DAB1: variants seen among roughly 807,000 people sequenced by gnomAD.
The protein encoded by DAB1 is disabled homolog 1.
Under a neutral mutation model 64.6 loss-of-function variants are expected in DAB1, and 15 were observed. That is an observed-to-expected ratio of 0.23 (90% CI 0.16 to 0.36). DAB1 has a LOEUF of 0.36. Ranked by LOEUF, DAB1 falls within the 10% of genes least tolerant of loss-of-function variation. DAB1 has a pLI of 1.00. For missense variants in DAB1, 596 were observed against 706.7 expected, an observed-to-expected ratio of 0.84 and a Z score of 1.78; for synonymous variants, 235 against 251.9, an observed-to-expected ratio of 0.93 and a Z score of 0.64.
chr1:57,114,929 T>C (rs986436148), intron 4 of DAB1, among the ~76,000 whole-genome samples: 1 of 152,190 alleles, frequency 6.6e-6, no homozygotes, highest in Non-Finnish European at 1.5e-5. Context: ...CCTTTTTTTT[T>C]CTTTCTCTAT....
chr1:57,176,201 T>C lies in DAB1; in HGVS notation c.68-30772A>G, dbSNP rs1662296698. Among the ~76,000 whole-genome samples the C allele has an allele frequency of 2.0e-5, 3 of 152,112 alleles. No homozygotes were observed. The East Asian group carries it at 5.8e-4, about 29-fold the overall frequency. ...ACCAATGTTATAGAATATCCTTCTG[T>C]ATTGTATTAGTCCGTTTTCATGCTG... On this transcript the variant is annotated intron_variant, in intron 2 of 14. Coordinates refer to ENST00000371236, the MANE Select transcript of DAB1 (RefSeq NM_001365792.1).
chr1:58,183,289 T>A (rs969630618), intron 4 of DAB1, among the ~76,000 whole-genome samples: 8 of 152,036 alleles, frequency 5.3e-5, no homozygotes, highest in Non-Finnish European at 1.2e-4. Context: ...CCTTCTTGCA[T>A]CTCCTCCGTA....
At chr1:57,392,534 C>A (rs757510788) in intron 1 of DAB1, among the ~76,000 whole-genome samples, 1 of 152,070 alleles carries the variant, frequency 6.6e-6, no homozygotes, top group African/African-American at 2.4e-5. Context: ...TCAGTCTTCA[C>A]GAGGAAAAAC....
intron 4 of DAB1, among the ~76,000 whole-genome samples, chr1:58,170,033 C>T (rs965803489): frequency 3.3e-5 from 5 of 152,138 alleles, no homozygotes; most frequent in African/African-American, 7.2e-5. Flanking sequence ...GATCAAACCC[C>T]GGCATTTAAT....
intron 4 of DAB1, among the ~76,000 whole-genome samples, chr1:58,162,239 C>T (rs1655578353): frequency 1.3e-5 from 2 of 152,140 alleles, no homozygotes; most frequent in Non-Finnish European, 2.9e-5. Context: ...AGACTGACAA[C>T]GATCCTGTCA....
chr1:58,201,577 G>A (rs972701789), intron 4 of DAB1, among the ~76,000 whole-genome samples: 36 of 152,178 alleles, frequency 2.4e-4, no homozygotes, highest in Non-Finnish European at 8.8e-5. Flanking sequence ...AAGTCTCAGG[G>A]TTTCACAGAG....
chr1:57,790,034 G>C (rs1366127642), intron 6 of DAB1, among the ~76,000 whole-genome samples: 1 of 152,144 alleles, frequency 6.6e-6, no homozygotes, highest in Non-Finnish European at 1.5e-5. Flanking sequence ...GACCATAAGA[G>C]GGAAAGCCAT....
chr1:58,488,654 G>A (rs1645618804), intron 3 of DAB1, among the ~76,000 whole-genome samples: 1 of 152,192 alleles, frequency 6.6e-6, no homozygotes, highest in Admixed American at 6.5e-5. Flanking sequence ...GTTTCTCCAT[G>A]TTGGTCAGGC....
Position 57,291,008 on chromosome 1 carries a change from T to TG in DAB1, c.22dup (p.Gln8ProfsTer21), listed in dbSNP as rs1377821073. 1 of 1,612,124 alleles carries TG rather than the reference T, an allele frequency of 6.2e-7. No homozygotes were observed. The highest frequency in any genetic ancestry group is 8.5e-7 in the Non-Finnish European group (1 of 1,178,980). The stretch of plus-strand genomic sequence containing the variant: ...CTTGGCGCTGGTTTTCACAGCTACT[T>TG]GAAGTTCTGTCTCAGTTGACATCCT... On this transcript the variant is annotated frameshift_variant, in exon 2 of 15. Transcript: ENST00000371236. LOFTEE classifies it high-confidence loss of function.
intron 5 of DAB1, among the ~76,000 whole-genome samples, chr1:58,067,364 T>C (rs1473650538): frequency 6.6e-6 from 1 of 152,208 alleles, no homozygotes; most frequent in Non-Finnish European, 1.5e-5. Flanking sequence ...AGCACGTTTG[T>C]TCTGAAGAGG....
At chr1:57,884,502 T>C (rs1489082641), upstream of DAB1, among the ~76,000 whole-genome samples, 2 of 152,238 alleles carry the variant, frequency 1.3e-5, no homozygotes, top group Admixed American at 6.5e-5. Context: ...GTACAAATTG[T>C]ATATTTTTCA....
chr1:57,743,481 C>T (rs901204722), intron 6 of DAB1, among the ~76,000 whole-genome samples: 1 of 152,222 alleles, frequency 6.6e-6, no homozygotes, highest in South Asian at 2.1e-4. Flanking sequence ...GGACTCAGCT[C>T]GCCTGCACCC....
chr1:57,084,345 G>A (rs574112014), intron 4 of DAB1, among the ~76,000 whole-genome samples: 1 of 152,260 alleles, frequency 6.6e-6, no homozygotes, highest in East Asian at 1.9e-4. Flanking sequence ...CTAGGGGACA[G>A]GCATGGACCA....
chr1:57,624,440 A>T (rs1043963296), intron 7 of DAB1, among the ~76,000 whole-genome samples: 6 of 152,192 alleles, frequency 3.9e-5, no homozygotes, highest in Admixed American at 3.9e-4. Flanking sequence ...ATACTCAATG[A>T]GACAAGGAGT....
chr1:57,067,326 A>G (rs976762665), intron 8 of DAB1, among the ~76,000 whole-genome samples: 4 of 152,094 alleles, frequency 2.6e-5, no homozygotes, highest in Admixed American at 2.6e-4. Flanking sequence ...CTGAGCTGAG[A>G]GCAGCCTTAG....
In DAB1 at chr1:57,656,633, T is replaced by A. The variant is rs1646322418; in HGVS notation, n.552-6968A>T. Among the ~76,000 whole-genome samples, 11 of 152,306 alleles carry A rather than the reference T, an allele frequency of 7.2e-5. No individual in the cohort carries two copies. The South Asian group carries it at 2.1e-3, about 29-fold the overall frequency. On this transcript the variant is annotated intron_variant and non_coding_transcript_variant, in intron 6 of 20. Transcript: ENST00000485760. ...CACAGCTCCCAAAAAACCACAGAAATAAGCTGTTCATAGGTACTACAGAGT... is the reference window on the plus strand; with the variant it reads ...CACAGCTCCCAAAAAACCACAGAAAAAAGCTGTTCATAGGTACTACAGAGT...
chr1:57,732,078 G>A (rs955337927), intron 6 of DAB1, among the ~76,000 whole-genome samples: 3 of 152,152 alleles, frequency 2.0e-5, no homozygotes, highest in Admixed American at 2.0e-4. Context: ...GAGGAGGCAG[G>A]AGGGCATGCA....
At chr1:57,415,056 T>C (rs185964942) in intron 1 of DAB1, among the ~76,000 whole-genome samples, 68 of 152,258 alleles carry the variant, frequency 4.5e-4, no homozygotes, top group African/African-American at 1.6e-3. Context: ...CAAGACACTC[T>C]TGAGACACTT....
intron 6 of DAB1, among the ~76,000 whole-genome samples, chr1:57,663,170 T>C (rs1205652680): frequency 6.6e-6 from 1 of 152,128 alleles, no homozygotes; most frequent in African/African-American, 2.4e-5. Flanking sequence ...CATTCTTATA[T>C]GGCCAGAGAA....
Sources: gnomAD v4.1 joint callset for allele counts (sites outside exome capture counted in the v4.1 genomes callset) on GRCh38, gnomAD v4.1.1 for gene constraint, MANE v1.5 for transcripts, NCBI Gene and HGNC (gene_info 2026-07-23, HGNC 2026-07-21) for gene names.